The following DNAH14 variants were observed in gnomAD, a reference collection of about 807,000 sequenced individuals.
The protein encoded by DNAH14 is axonemal beta dynein heavy chain 14.
In DNAH14, 478 loss-of-function variants were observed where a neutral mutation model predicts 520.9. The ratio of observed to expected loss-of-function variants is 0.92; its 90% CI spans 0.85 to 0.99. The LOEUF (loss-of-function observed/expected upper bound fraction) is 0.99, where lower values mean the gene tolerates loss of function less well. DNAH14 is among the 50% of genes least tolerant of loss of function. The probability of loss-of-function intolerance (pLI) is 0.00; values close to 1 mark genes in which losing one functional copy is unlikely to be tolerated. For missense variants in DNAH14, 4,831 were observed against 5,234.5 expected, an observed-to-expected ratio of 0.92 and a Z score of 2.38; for synonymous variants, 1,581 against 1,757.2, an observed-to-expected ratio of 0.90 and a Z score of 2.51.
At chr1:224,932,495 G>C (rs902339696) in intron 1 of DNAH14, among the ~76,000 whole-genome samples, 8 of 151,988 alleles carry the variant, frequency 5.3e-5, no homozygotes, top group African/African-American at 1.9e-4. Flanking sequence ...TATTGCCTGT[G>C]CTTTTGAGGT....
chr1:225,246,082 C>A, intron 43 of DNAH14, among the ~76,000 whole-genome samples: 1 of 138,184 alleles, frequency 7.2e-6, no homozygotes, highest in African/African-American at 2.7e-5. Flanking sequence ...CATCTACAAC[C>A]ATCTGATCTT....
chr1:225,280,556 G>A lies in DNAH14; in HGVS notation c.8271+3054G>A, dbSNP rs776401716. 1.1e-4 allele frequency among the ~76,000 whole-genome samples: 16 copies of A among 151,602 alleles called. No individual in the cohort carries two copies. In the South Asian group the frequency reaches 1.9e-3, roughly 18 times the overall value. On this transcript the variant is annotated intron_variant, in intron 54 of 85. Transcript: ENST00000682510. ...AGAGCTTGCAGTGAGCCGAGATAGC[G>A]CCACTGAACTCCAGCCTGGGTGACA... is the stretch of plus-strand genomic sequence containing the variant.
rs756225058 is a variant in DNAH14, at chr1:225,273,032, A to G, written c.7917A>G (p.Glu2639=). The change falls in exon 52 of 86, where the codon GAA becomes GAG. Residue 2639 remains glutamate (E), a synonymous_variant. Transcript: ENST00000682510. ...KEMAALLFVH[E]ATRVFHDRLI... ...TGGCTGCTCTGCTCTTTGTTCATGA[A>G]GCCACCCGAGTATTTCACGATCGCT... The G allele has an allele frequency of 1.3e-6, 2 of 1,551,646 alleles. No homozygotes were observed. Among genetic ancestry groups the G allele is most frequent in the Non-Finnish European group, 1.7e-6 (2 of 1,146,980 alleles).
At chr1:225,092,773 A>G (rs1305249614) in intron 21 of DNAH14, among the ~76,000 whole-genome samples, 3 of 151,746 alleles carry the variant, frequency 2.0e-5, no homozygotes, top group Non-Finnish European at 3.0e-5. Context: ...ATAGACTTCT[A>G]GCTACAATCA....
At chr1:225,355,346 C>T (rs1286909637) in intron 73 of DNAH14, among the ~76,000 whole-genome samples, 2 of 152,090 alleles carry the variant, frequency 1.3e-5, no homozygotes, top group Non-Finnish European at 2.9e-5. Flanking sequence ...GTGATCACAG[C>T]TCACTGCAGC....
chr1:225,003,015 C>A, intron 9 of DNAH14, 88 bp downstream of exon 9: 1 of 1,183,350 alleles, frequency 8.5e-7, no homozygotes, highest in Non-Finnish European at 1.1e-6. Flanking sequence ...ATACAGATTT[C>A]TAAATTCATA....
At chr1:225,064,641 A>G (rs2070624455) in intron 17 of DNAH14, among the ~76,000 whole-genome samples, 1 of 152,010 alleles carries the variant, frequency 6.6e-6, no homozygotes, top group African/African-American at 2.4e-5. Flanking sequence ...AAACATGTTG[A>G]ACAAAAGAAG....
At chr1:225,373,227 C>T (rs562676343) in intron 77 of DNAH14, among the ~76,000 whole-genome samples, 10 of 150,604 alleles carry the variant, frequency 6.6e-5, no homozygotes, top group African/African-American at 1.7e-4. Flanking sequence ...GGGCCGGGCG[C>T]GGTGGGTAAT....
intron 15 of DNAH14, among the ~76,000 whole-genome samples, chr1:225,046,359 A>G (rs1047521363): frequency 2.6e-5 from 4 of 152,154 alleles, no homozygotes; most frequent in African/African-American, 9.6e-5. Context: ...ATATGGTATC[A>G]TAAGAGAGGA....
At position 225,340,624 on chromosome 1, in the gene DNAH14, T is replaced by C; in HGVS notation, c.10601T>C (p.Leu3534Pro). 1.3e-6 allele frequency: 2 copies of C among 1,551,444 alleles called. No individual in the cohort carries two copies. The highest frequency in any genetic ancestry group is 1.7e-6 in the Non-Finnish European group (2 of 1,146,864). The change falls in exon 69 of 86, where the codon CTG (leucine) becomes CCG (proline). Residue 3534 changes from leucine to proline, a missense_variant. By Grantham distance (98) the Leu-to-Pro change is moderately conservative (BLOSUM62 -3). Transcript: ENST00000682510. ...PHLEDQRSKL[L>P]ESISLDAITL... ...TTAGAAGATCAACGTTCCAAGTTAC[T>C]GGAGAGTATTTCCCTTGATGCCATA...
intron 76 of DNAH14, among the ~76,000 whole-genome samples, chr1:225,366,197 T>A (rs562522668): frequency 1.3e-5 from 2 of 152,320 alleles, no homozygotes; most frequent in South Asian, 4.1e-4. Flanking sequence ...TATAATGAAA[T>A]AACTACTCTC....
At chr1:224,940,403 A>G (rs927631117) in intron 1 of DNAH14, among the ~76,000 whole-genome samples, 4 of 152,170 alleles carry the variant, frequency 2.6e-5, no homozygotes, top group East Asian at 1.9e-4. Flanking sequence ...ATATCAATCA[A>G]TTAATGGTGG....
chr1:225,138,242 G>C (rs1476174435), intron 27 of DNAH14, among the ~76,000 whole-genome samples: 1 of 151,438 alleles, frequency 6.6e-6, no homozygotes, highest in Non-Finnish European at 1.5e-5. Flanking sequence ...ATTGCACTGT[G>C]GGGGGCCCCT....
chr1:224,953,322 CA>C (rs1484558294), intron 2 of DNAH14, among the ~76,000 whole-genome samples: 1 of 151,910 alleles, frequency 6.6e-6, no homozygotes, highest in Non-Finnish European at 1.5e-5. Flanking sequence ...GATGGGGTTT[CA>C]CCATTTTGGC....
intron 8 of DNAH14, among the ~76,000 whole-genome samples, chr1:225,001,688 C>T (rs1052970146): frequency 6.6e-6 from 1 of 152,076 alleles, no homozygotes; most frequent in Non-Finnish European, 1.5e-5. Flanking sequence ...AAGCTTTAAA[C>T]AAACACTGAA....
intron 35 of DNAH14, among the ~76,000 whole-genome samples, chr1:225,164,738 A>G (rs1303964310): frequency 1.3e-5 from 2 of 151,954 alleles, no homozygotes; most frequent in Admixed American, 6.6e-5. Flanking sequence ...TTTCATATCT[A>G]TATTTGTCCC....
chr1:225,313,938 T>C (rs771396661), intron 60 of DNAH14, among the ~76,000 whole-genome samples: 3 of 152,218 alleles, frequency 2.0e-5, no homozygotes, highest in Non-Finnish European at 4.4e-5. Context: ...GAGAGTTCTG[T>C]AGATGTCTGT....
chr1:225,305,044 T>C lies in DNAH14; in HGVS notation c.8960T>C (p.Phe2987Ser). The change falls in exon 58 of 86, where the codon TTT (phenylalanine) becomes TCT (serine). Residue 2987 changes from phenylalanine to serine, a missense_variant. Physicochemically the swap from Phe to Ser is radical, Grantham distance 155. Coordinates refer to ENST00000682510, the MANE Select transcript of DNAH14 (RefSeq NM_001367479.1). ...AGCTACTTGCAATTTATGGAAACAT[T>C]TGCACACATTTTGAGGGCACGAGAG... The part of the protein sequence containing the change: ...PNSYLQFMET[F>S]AHILRAREEE... 6.5e-7 allele frequency: 1 copy of C among 1,542,484 alleles called. No homozygotes were observed. Among genetic ancestry groups the C allele is most frequent in the Non-Finnish European group, 8.7e-7 (1 of 1,145,054 alleles).
At chr1:225,354,278 G>A (rs1453679217) in intron 73 of DNAH14, 5 of 701,580 alleles carry the variant, frequency 7.1e-6, no homozygotes, top group Non-Finnish European at 1.3e-5. Context: ...TGACAGGTAA[G>A]TCTGTCTAAT....
Sources: gnomAD v4.1 joint callset for allele counts (sites outside exome capture counted in the v4.1 genomes callset) on GRCh38, gnomAD v4.1.1 for gene constraint, MANE v1.5 for transcripts, NCBI Gene and HGNC (gene_info 2026-07-23, HGNC 2026-07-21) for gene names.